Variants in ZCCHC2 observed in about 807,000 individuals in gnomAD.
The protein encoded by ZCCHC2 is zinc finger CCHC-type containing 2.
A neutral mutation model predicts 103.6 loss-of-function variants in ZCCHC2; 39 were observed. The ratio of observed to expected loss-of-function variants is 0.38; its 90% confidence interval spans 0.29 to 0.49. ZCCHC2 has a LOEUF of 0.49. Ranked by LOEUF, ZCCHC2 falls within the 20% of genes least tolerant of loss-of-function variation. The probability of loss-of-function intolerance (pLI) is 0.96; values close to 1 mark genes in which losing one functional copy is unlikely to be tolerated. For missense variants in ZCCHC2, 1,483 were observed against 1,491.0 expected, an observed-to-expected ratio of 0.99 and a Z score of 0.09; for synonymous variants, 687 against 608.9, an observed-to-expected ratio of 1.13 and a Z score of -1.89.
Position 62,523,482 on chromosome 18 carries a change from G to T in ZCCHC2, c.58G>T (p.Ala20Ser). 2 of 1,067,626 alleles carry T rather than the reference G, an allele frequency of 1.9e-6. No homozygotes were observed. Among genetic ancestry groups the T allele is most frequent in the Non-Finnish European group, 2.3e-6 (2 of 873,124 alleles). 66.1% of individuals were successfully genotyped at this position (1,067,626 alleles called of 1,614,324 possible). ...GCACCCCGCGGAGCCGCCGCCCGAG[G>T]CGGAGGAGCCCGAGGCGGACGCGCG... is the stretch of plus-strand genomic sequence containing the variant. Reference protein sequence around the residue: ...PTHPAEPPPEAEEPEADARPG... With the variant: ...PTHPAEPPPESEEPEADARPG... Residue 20 changes from alanine to serine, a missense_variant, in exon 1 of 14, where the codon GCG becomes TCG. This residue lies in a region of ZCCHC2 where 568 missense variants were observed against 525.1 expected (regional missense o/e 1.08). Transcript: ENST00000269499.
At chr18:62,556,620 A>G (rs1224554301) in intron 6 of ZCCHC2, among the ~76,000 whole-genome samples, 5 of 152,092 alleles carry the variant, frequency 3.3e-5, no homozygotes, top group Non-Finnish European at 7.4e-5. Flanking sequence ...TGTATGATCT[A>G]GTCTGTCTTC....
chr18:62,561,990 T>TTTTTTG (rs1245220430), intron 8 of ZCCHC2, among the ~76,000 whole-genome samples: 29 of 152,216 alleles, frequency 1.9e-4, no homozygotes, highest in Admixed American at 3.3e-4. Context: ...TCCCGTGGTT[T>TTTTTTG]TTTTTGTTTT....
At chr18:62,528,571 C>T (rs1040050789) in intron 1 of ZCCHC2, among the ~76,000 whole-genome samples, 12 of 143,032 alleles carry the variant, frequency 8.4e-5, no homozygotes, top group Admixed American at 2.1e-4. Flanking sequence ...TGCACTCTAG[C>T]CTGGGCGACA....
At chr18:62,572,053 G>C (rs988886252) in intron 12 of ZCCHC2, among the ~76,000 whole-genome samples, 3 of 152,118 alleles carry the variant, frequency 2.0e-5, no homozygotes, top group African/African-American at 7.2e-5. Context: ...GAGCTGTTTT[G>C]AAACTTAAAT....
rs760611826 is a variant in ZCCHC2 at position 62,570,107 on chromosome 18, G to A, written c.1851G>A (p.Val617=). 31 of 1,597,870 alleles carry A rather than the reference G, an allele frequency of 1.9e-5. No individual in the cohort carries two copies. The highest frequency in any genetic ancestry group is 2.6e-5 in the Non-Finnish European group (30 of 1,172,524). The change falls in exon 12 of 14, where the codon GTG becomes GTA. Residue 617 remains valine, a synonymous_variant. Coordinates refer to ENST00000269499, the MANE Select transcript of ZCCHC2 (RefSeq NM_017742.6). ...AAATAGTGTTGTTATTTTTAGATGT[G>A]AATTTGGACATTGGCTCTGGACATG... ...QHAHGGTVKD[V]NLDIGSGHDT... is the part of the protein sequence containing the mutation.
intron 13 of ZCCHC2, among the ~76,000 whole-genome samples, chr18:62,575,905 T>C (rs571547478): frequency 2.0e-5 from 3 of 152,214 alleles, no homozygotes; most frequent in Admixed American, 6.5e-5. Context: ...TTTTTAAATA[T>C]TGAAAACCTA....
At position 62,523,517 on chromosome 18, in the gene ZCCHC2, G is replaced by A. The variant is rs1358330151; in HGVS notation, c.93G>A (p.Ala31=). The A allele has an allele frequency of 1.2e-5, 12 of 969,798 alleles. No individual in the cohort carries two copies. The highest frequency in any genetic ancestry group is 1.8e-5 in the African/African-American group (1 of 54,906). The allele number at this position is 969,798 out of a possible 1,614,324, so 60.1% of individuals were successfully genotyped here. A position where few individuals can be genotyped will look rare whatever the true frequency, so the allele number is the denominator to read the frequency against. ...CCGAGGCGGACGCGCGGCCGGGCGC[G>A]AAGGCGCCTTCGCGCCGCCGCCGCG... ...EEPEADARPG[A]KAPSRRRRDC... is the part of the protein sequence containing the mutation. The change falls in exon 1 of 14, where the codon GCG becomes GCA. Residue 31 remains alanine, a synonymous_variant. Transcript: ENST00000269499.
At chr18:62,536,410 C>T (rs141317885) in intron 1 of ZCCHC2, among the ~76,000 whole-genome samples, 1 of 152,336 alleles carries the variant, frequency 6.6e-6, no homozygotes, top group Non-Finnish European at 1.5e-5. Context: ...GGTCCTGACA[C>T]TTTTCTCCAA....
At position 62,550,240 on chromosome 18, in the gene ZCCHC2, A is replaced by G. The variant is rs1598945758; in HGVS notation, c.1201-108A>G. 5 of 816,926 alleles carry G rather than the reference A, an allele frequency of 6.1e-6. No individual in the cohort carries two copies. The East Asian group carries it at 1.4e-4, about 22-fold the overall frequency. The allele number at this position is 816,926 out of a possible 1,614,324, so 50.6% of individuals were successfully genotyped here. On this transcript the variant is annotated intron_variant, in intron 4 of 13. Transcript: ENST00000269499. ...ATTTGGAAAACAAACTGCTTTTGGG[A>G]AAATAATGAGCAGGAGGCATTAATC...
At chr18:62,555,979 T>A (rs567380547) in intron 5 of ZCCHC2, among the ~76,000 whole-genome samples, 1 of 152,332 alleles carries the variant, frequency 6.6e-6, no homozygotes, top group East Asian at 1.9e-4. Flanking sequence ...TATACAAAAT[T>A]AAAAATGAAC....
rs896272701 is a variant in ZCCHC2, at chr18:62,547,544, T to G, written c.1200+2671T>G. ...CCCCCTTCACCTGTTTTTGTGGGTT[T>G]GTTTGTTTTTTTTTTTTCTTTTCTT... is the stretch of plus-strand genomic sequence containing the variant. On this transcript the variant is annotated intron_variant, in intron 4 of 13. Transcript: ENST00000269499. Among the ~76,000 whole-genome samples the G allele has an allele frequency of 4.6e-5, 7 of 151,416 alleles. No individual in the cohort carries two copies. In the East Asian group the frequency reaches 7.8e-4, roughly 17 times the overall value.
chr18:62,533,266 C>T (rs1200123080), intron 1 of ZCCHC2, among the ~76,000 whole-genome samples: 1 of 152,136 alleles, frequency 6.6e-6, no homozygotes, highest in Non-Finnish European at 1.5e-5. Context: ...TGGCTTACGC[C>T]TGTAATCCCA....
Position 62,523,610 on chromosome 18 carries a change from GCCGCCC to G in ZCCHC2, c.188_193del (p.Pro63_Pro64del), listed in dbSNP as rs1220999061. 8.7e-7 allele frequency: 1 copy of G among 1,148,564 alleles called. No individual in the cohort carries two copies. 71.1% of individuals were successfully genotyped at this position (1,148,564 alleles called of 1,614,324 possible). On this transcript the variant is annotated inframe_deletion, in exon 1 of 14. Transcript: ENST00000269499. ...CGCGGGGCCCTCTGCCGCCGCCGCC[GCCGCCC>G]CGGGGACTCGGGCCGCCTGTTGCTG... is the stretch of plus-strand genomic sequence containing the variant.
chr18:62,578,467 A>T lies in ZCCHC2; in HGVS notation c.*1888A>T, dbSNP rs1916947977. ...CTCCTTATTTGTATGTTTACCATAT[A>T]CTTTGATATTTGAAATGTTATGTAC... is the stretch of plus-strand genomic sequence containing the variant. On this transcript the variant is annotated 3_prime_UTR_variant, in exon 14 of 14. Transcript: ENST00000269499. 1 of 152,636 alleles carries T rather than the reference A, an allele frequency of 6.6e-6. No homozygotes were observed. Among genetic ancestry groups the T allele is most frequent in the Non-Finnish European group, 1.5e-5 (1 of 68,046 alleles). The allele number at this position is 152,636 out of a possible 1,614,324, so 9.5% of individuals were successfully genotyped here.
intron 12 of ZCCHC2, among the ~76,000 whole-genome samples, chr18:62,572,627 T>C (rs2145533821): frequency 6.6e-6 from 1 of 152,270 alleles, no homozygotes; most frequent in East Asian, 1.9e-4. Context: ...TATTTCTGTT[T>C]GGGGCTTTAC....
intron 7 of ZCCHC2, among the ~76,000 whole-genome samples, chr18:62,559,863 A>C (rs1363666451): frequency 6.6e-6 from 1 of 151,750 alleles, no homozygotes; most frequent in Non-Finnish European, 1.5e-5. Flanking sequence ...TGGGGGAAAA[A>C]ATTCTTTTTC....
At position 62,575,559 on chromosome 18, in the gene ZCCHC2, A is replaced by C; in HGVS notation, c.3469+9A>C. 2 of 1,609,412 alleles carry C rather than the reference A, an allele frequency of 1.2e-6. No individual in the cohort carries two copies. The highest frequency in any genetic ancestry group is 1.7e-6 in the Non-Finnish European group (2 of 1,176,670). On this transcript the variant is annotated intron_variant, in intron 13 of 13. Transcript: ENST00000269499. The stretch of plus-strand genomic sequence containing the variant: ...GGAGGCCAATCAACAAGGTAATCAC[A>C]ATAACTCCCAGAGGACTTGTTTTTG...
exon 15 of ZCCHC2, chr18:62,584,563 T>C (rs1182451969): frequency 6.6e-6 from 1 of 152,226 alleles, no homozygotes; most frequent in Admixed American, 6.5e-5. Flanking sequence ...GCAGATGTTA[T>C]TTCCTACTGA....
At position 62,523,600 on chromosome 18, in the gene ZCCHC2, C is replaced by A. The variant is rs915021992; in HGVS notation, c.176C>A (p.Pro59Gln). 3.1e-6 allele frequency: 3 copies of A among 975,518 alleles called. No individual in the cohort carries two copies. Among genetic ancestry groups the A allele is most frequent in the Non-Finnish European group, 3.7e-6 (3 of 801,222 alleles). The allele number at this position is 975,518 out of a possible 1,614,324, so 60.4% of individuals were successfully genotyped here. ...PPAGPSRGPL[P>Q]PPPPPRGLGP... is the part of the protein sequence containing the mutation. ...GCGGGCCCGTCGCGGGGCCCTCTGC[C>A]GCCGCCGCCGCCGCCCCGGGGACTC... Residue 59 changes from proline to glutamine, a missense_variant, in exon 1 of 14, where the codon CCG (proline) becomes CAG (glutamine). By Grantham distance (76) the Pro-to-Gln change is moderately conservative. Coordinates refer to ENST00000269499, the MANE Select transcript of ZCCHC2 (RefSeq NM_017742.6).
Sources: allele counts gnomAD v4.1 joint callset (sites outside exome capture counted in the v4.1 genomes callset), GRCh38; gene constraint gnomAD v4.1.1; regional missense constraint gnomAD v4.1.1; transcripts MANE v1.5; gene names NCBI Gene and HGNC (gene_info 2026-07-23, HGNC 2026-07-21).